The following ANKIB1 variants were observed in gnomAD, a reference collection of about 807,000 sequenced individuals.
ANKIB1 encodes the protein ankyrin repeat and IBR domain-containing protein 1.
In ANKIB1, 43 loss-of-function variants were observed where a neutral mutation model predicts 122.1. That is an observed-to-expected ratio of 0.35 (90% CI 0.28 to 0.45). The LOEUF (loss-of-function observed/expected upper bound fraction) is 0.45, where lower values mean the gene tolerates loss of function less well. ANKIB1 is among the 20% of genes least tolerant of loss of function. The pLI, the probability that ANKIB1 is intolerant of heterozygous loss-of-function variation, is 1.00. For synonymous variants in ANKIB1, 390 were observed against 442.0 expected (o/e 0.88, Z 1.48); for missense variants, 992 against 1,329.5 (o/e 0.75, Z 3.95).
At chr7:92,382,709 A>G (rs1271152457) in intron 11 of ANKIB1, among the ~76,000 whole-genome samples, 2 of 152,362 alleles carry the variant, frequency 1.3e-5, no homozygotes, top group Middle Eastern at 3.4e-3. Flanking sequence ...AAGACACAAC[A>G]TACCAGAATC....
At chr7:92,378,553 A>G (rs1402105293) in intron 11 of ANKIB1, among the ~76,000 whole-genome samples, 1 of 152,034 alleles carries the variant, frequency 6.6e-6, no homozygotes, top group East Asian at 1.9e-4. Flanking sequence ...CTTTCTTAGT[A>G]TGATAAAAAT....
chr7:92,396,534 A>G (rs1804896205), intron 18 of ANKIB1, 58 bp downstream of exon 18: 2 of 842,482 alleles, frequency 2.4e-6, no homozygotes, highest in African/African-American at 1.7e-5. Flanking sequence ...TTATCCTTCA[A>G]ACTGGCTGAT....
At chr7:92,266,432 A>T (rs1476456911) in intron 1 of ANKIB1, among the ~76,000 whole-genome samples, 2 of 152,190 alleles carry the variant, frequency 1.3e-5, no homozygotes, top group Non-Finnish European at 2.9e-5. Context: ...ACTAGGCCTG[A>T]GGCAGAGCAC....
Position 92,392,281 on chromosome 7 carries a change from G to T in ANKIB1, c.2272G>T (p.Ala758Ser). The change falls in exon 17 of 20, where the codon GCA (alanine) becomes TCA (serine). Residue 758 changes from alanine (A) to serine (S), a missense_variant. By Grantham distance (99) the Ala-to-Ser change is moderately conservative. Transcript: ENST00000265742. ...GTWDWEYLGF[A>S]SPEEYAEFQY... Reference sequence around the variant, plus strand: ...ATGGGATTGGGAATATTTAGGATTTGCATCACCAGAGGTAATTGTTTTATG... The same window carrying T: ...ATGGGATTGGGAATATTTAGGATTTTCATCACCAGAGGTAATTGTTTTATG... 1 of 1,610,252 alleles carries T rather than the reference G, an allele frequency of 6.2e-7. No homozygotes were observed. The highest frequency in any genetic ancestry group is 1.1e-5 in the South Asian group (1 of 90,414).
chr7:92,312,002 C>G (rs1802700530), intron 3 of ANKIB1, among the ~76,000 whole-genome samples: 1 of 152,130 alleles, frequency 6.6e-6, no homozygotes, highest in African/African-American at 2.4e-5. Context: ...ATTCTTGACT[C>G]TAGATTCTAT....
In ANKIB1 at chr7:92,327,702, G is replaced by A. The variant is rs535544966; in HGVS notation, c.670-81G>A. On this transcript the variant is annotated intron_variant, in intron 4 of 19. Coordinates refer to ENST00000265742, the MANE Select transcript of ANKIB1 (RefSeq NM_019004.2). ...TGTGGAACCGTGGATACATTGGACTGACTATATATTGTTTATAGGCATTTT... is the reference window on the plus strand; with the variant it reads ...TGTGGAACCGTGGATACATTGGACTAACTATATATTGTTTATAGGCATTTT... 7.6e-5 allele frequency: 47 copies of A among 621,992 alleles called. No individual in the cohort carries two copies. The East Asian group carries it at 1.4e-3, about 18-fold the overall frequency. The allele number at this position is 621,992 out of a possible 1,614,324, so 38.5% of individuals were successfully genotyped here. A position where few individuals can be genotyped will look rare whatever the true frequency, so the allele number is the denominator to read the frequency against.
intron 3 of ANKIB1, 55 bp from the exon 4 acceptor site, chr7:92,319,275 T>C: frequency 9.2e-7 from 1 of 1,091,252 alleles, no homozygotes; most frequent in Non-Finnish European, 1.3e-6. Context: ...AAAAATAGCA[T>C]GAAATAACTT....
At chr7:92,374,322 C>CA (rs1341482188) in intron 11 of ANKIB1, among the ~76,000 whole-genome samples, 2 of 151,844 alleles carry the variant, frequency 1.3e-5, no homozygotes, top group Non-Finnish European at 2.9e-5. Context: ...ACTAAAAATA[C>CA]AAAAAATTGT....
At position 92,345,682 on chromosome 7, in the gene ANKIB1, T is replaced by C. The variant is rs370622121; in HGVS notation, c.1085+616T>C. On this transcript the variant is annotated intron_variant, in intron 7 of 19. Coordinates refer to ENST00000265742, the MANE Select transcript of ANKIB1 (RefSeq NM_019004.2). Reference sequence around the variant, plus strand: ...AGAAGTTTCTAAACAAAGATTGCTATAATGAGCACTGTAATGTCATGTTAT... The same window carrying C: ...AGAAGTTTCTAAACAAAGATTGCTACAATGAGCACTGTAATGTCATGTTAT... 9.8e-5 allele frequency among the ~76,000 whole-genome samples: 15 copies of C among 152,352 alleles called. No homozygotes were observed. In the South Asian group the frequency reaches 2.3e-3, roughly 23 times the overall value.
chr7:92,295,421 G>C (rs1802334302), intron 2 of ANKIB1, among the ~76,000 whole-genome samples: 1 of 152,044 alleles, frequency 6.6e-6, no homozygotes, highest in Non-Finnish European at 1.5e-5. Flanking sequence ...TTAGTCCAAA[G>C]CTTTTAATGG....
At chr7:92,306,800 C>T (rs1289708618) in intron 2 of ANKIB1, among the ~76,000 whole-genome samples, 4 of 152,106 alleles carry the variant, frequency 2.6e-5, no homozygotes, top group Admixed American at 2.6e-4. Flanking sequence ...CTTATTATTT[C>T]AAAGGTTAGC....
Position 92,398,794 on chromosome 7 carries a change from G to A in ANKIB1, c.3115G>A (p.Glu1039Lys). 1.2e-6 allele frequency: 2 copies of A among 1,610,980 alleles called. No individual in the cohort carries two copies. Among genetic ancestry groups the A allele is most frequent in the Non-Finnish European group, 1.7e-6 (2 of 1,178,480 alleles). The change falls in exon 20 of 20, where the codon GAA (glutamate) becomes AAA (lysine). Residue 1039 changes from glutamate (E) to lysine (K), a missense_variant. Physicochemically the swap from Glu to Lys is moderately conservative, Grantham distance 56 (BLOSUM62 1). Transcript: ENST00000265742. ...TGAAGGTAGAGGAACCCAGATAGAA[G>A]AAAATCCTTTGGAAGAAAATATTCT... ...VSEGRGTQIE[E>K]NPLEENILAG...
chr7:92,323,378 C>G (rs1353223666), intron 4 of ANKIB1, among the ~76,000 whole-genome samples: 1 of 152,100 alleles, frequency 6.6e-6, no homozygotes, highest in East Asian at 1.9e-4. Context: ...TGTGCATTTT[C>G]TATGAAGTTT....
At chr7:92,344,859 C>G in intron 6 of ANKIB1, 119 bp from the exon 7 acceptor site, 3 of 714,900 alleles carry the variant, frequency 4.2e-6, no homozygotes, top group Non-Finnish European at 6.8e-6. Context: ...AAAGAGGTAA[C>G]TTTCAAAAAC....
intron 3 of ANKIB1, among the ~76,000 whole-genome samples, chr7:92,316,956 T>C (rs1189797954): frequency 6.6e-6 from 1 of 152,196 alleles, no homozygotes; most frequent in East Asian, 1.9e-4. Flanking sequence ...AATCCTGATT[T>C]TGAAAGTTAT....
rs1261781200 is a variant in ANKIB1, at chr7:92,306,704, A to T, written c.189-655A>T. ...CTTACCAGCGTCCACAACTGTGAGA[A>T]ATAAGTGTTTCTTGTTTATAAACCA... On this transcript the variant is annotated intron_variant, in intron 2 of 19. Transcript: ENST00000265742. 2.0e-5 allele frequency among the ~76,000 whole-genome samples: 3 copies of T among 152,150 alleles called. No homozygotes were observed. The East Asian group carries it at 5.8e-4, about 29-fold the overall frequency.
At chr7:92,374,432 T>C (rs868364416) in intron 11 of ANKIB1, among the ~76,000 whole-genome samples, 38 of 152,096 alleles carry the variant, frequency 2.5e-4, no homozygotes, top group African/African-American at 9.2e-4. Context: ...GAGCTGAGAT[T>C]GTGCCATTGC....
chr7:92,303,813 T>C (rs565538658), intron 2 of ANKIB1, among the ~76,000 whole-genome samples: 1 of 152,058 alleles, frequency 6.6e-6, no homozygotes, highest in South Asian at 2.1e-4. Context: ...CATGAGAGAG[T>C]GAAACTTCCA....
At chr7:92,321,042 C>T (rs1428618555) in intron 4 of ANKIB1, among the ~76,000 whole-genome samples, 3 of 151,938 alleles carry the variant, frequency 2.0e-5, no homozygotes, top group African/African-American at 7.2e-5. Context: ...TATTTTTTGC[C>T]GTTCTTTCTA....
Sources: allele counts gnomAD v4.1 joint callset (sites outside exome capture counted in the v4.1 genomes callset), GRCh38; gene constraint gnomAD v4.1.1; transcripts MANE v1.5; gene names NCBI Gene and HGNC (gene_info 2026-07-23, HGNC 2026-07-21).